The following GRIA3 variants were observed in gnomAD, a reference collection of about 807,000 sequenced individuals.
GRIA3 encodes the protein glutamate receptor 3.
GRIA3 carries 3 observed loss-of-function variants against 63.0 expected under a neutral mutation model. The ratio of observed to expected loss-of-function variants is 0.05; its 90% CI spans 0.02 to 0.12. GRIA3 has a LOEUF of 0.12. GRIA3 is among the 10% of genes least tolerant of loss of function. The probability of loss-of-function intolerance (pLI) is 1.00; values close to 1 mark genes in which losing one functional copy is unlikely to be tolerated. For missense variants in GRIA3, 347 were observed against 700.9 expected (o/e 0.50, Z 5.70); for synonymous variants, 274 against 257.9 (o/e 1.06, Z -0.60).
At chrX:123,404,958 A>G in intron 10 of GRIA3, 44 bp downstream of exon 10, 1 of 911,713 alleles carries the variant, frequency 1.1e-6, no homozygotes, top group Non-Finnish European at 1.6e-6. Context: ...TGTGCTTTCC[A>G]ATTAACAAAG....
chrX:123,374,867 T>C (rs2045273992), intron 5 of GRIA3, among the ~76,000 whole-genome samples: 1 of 112,062 alleles, frequency 8.9e-6, no homozygotes, highest in African/African-American at 3.2e-5. Flanking sequence ...CTGATTGCCC[T>C]GGTCAGAACT....
intron 4 of GRIA3, among the ~76,000 whole-genome samples, chrX:123,353,414 T>C (rs916519332): frequency 2.7e-5 from 3 of 112,159 alleles, no homozygotes; most frequent in Non-Finnish European, 3.8e-5. Flanking sequence ...ATTCCTCATC[T>C]GTAAAATGAG....
chrX:123,458,537 T>A (rs1199705867), intron 12 of GRIA3, among the ~76,000 whole-genome samples: 5 of 111,483 alleles, frequency 4.5e-5, no homozygotes, highest in African/African-American at 1.6e-4. Flanking sequence ...CAAGAAGCTA[T>A]CACTTCACCG....
chrX:123,411,133 T>A (rs776705507), intron 10 of GRIA3, among the ~76,000 whole-genome samples: 7 of 111,909 alleles, frequency 6.3e-5, no homozygotes, highest in Non-Finnish European at 1.3e-4. Flanking sequence ...TTGTCTAGCT[T>A]GATTCTGCCC....
chrX:123,360,877 AC>A (rs1569424953), intron 5 of GRIA3, among the ~76,000 whole-genome samples: 3 of 102,438 alleles, frequency 2.9e-5, no homozygotes, highest in African/African-American at 1.1e-4. Context: ...ACACACACAC[AC>A]ACACACACAC....
intron 3 of GRIA3, among the ~76,000 whole-genome samples, chrX:123,260,523 AGAAAG>A (rs1483417353): frequency 4.4e-4 from 32 of 72,636 alleles, no homozygotes; most frequent in East Asian, 1.9e-3. Flanking sequence ...AAAGAAAGAA[AGAAAG>A]GAAAGAAAGA....
rs1224062376 is a variant in GRIA3 at position 123,482,945 on chromosome X, C to T, written c.2586C>T (p.Asn862=). ...AESKRMKLTK[N]TQNFKPAPAT... is the part of the protein sequence containing the mutation. ...CCAAACGCATGAAACTCACAAAGAA[C>T]ACCCAAAACTTTAAGCCTGCTCCTG... Residue 862 remains asparagine, a synonymous_variant, in exon 15 of 16, where the codon AAC becomes AAT. Coordinates refer to ENST00000620443, the MANE Select transcript of GRIA3 (RefSeq NM_007325.5). The T allele has an allele frequency of 8.3e-7, 1 of 1,207,477 alleles. No homozygotes were observed. The highest frequency in any genetic ancestry group is 1.1e-6 in the Non-Finnish European group (1 of 893,599).
chrX:123,433,274 G>A (rs2045628609), intron 12 of GRIA3, among the ~76,000 whole-genome samples: 1 of 111,708 alleles, frequency 9.0e-6, no homozygotes, highest in Admixed American at 9.5e-5. Context: ...GACCAGATCA[G>A]AATGAAGCAC....
At chrX:123,391,750 C>T (rs1309329559) in intron 5 of GRIA3, among the ~76,000 whole-genome samples, 1 of 112,072 alleles carries the variant, frequency 8.9e-6, no homozygotes, top group Non-Finnish European at 1.9e-5. Flanking sequence ...CAACACAATC[C>T]TCTGACTCCC....
At chrX:123,380,515 G>A (rs1478528063) in intron 5 of GRIA3, among the ~76,000 whole-genome samples, 2 of 111,514 alleles carry the variant, frequency 1.8e-5, no homozygotes, top group African/African-American at 6.5e-5. Flanking sequence ...TTGTAAATTT[G>A]TTTAAGTTCT....
intron 11 of GRIA3, among the ~76,000 whole-genome samples, chrX:123,423,941 C>T (rs780030934): frequency 2.2e-4 from 25 of 111,743 alleles, no homozygotes; most frequent in African/African-American, 8.1e-4. Flanking sequence ...ACGTATTTTG[C>T]AGTGCTTTTT....
chrX:123,289,447 G>T (rs1015936927), intron 3 of GRIA3, among the ~76,000 whole-genome samples: 1 of 106,939 alleles, frequency 9.4e-6, no homozygotes, highest in African/African-American at 3.4e-5. Flanking sequence ...TATATATAAA[G>T]ATAAAGATAA....
chrX:123,451,111 A>G (rs1240928579), intron 12 of GRIA3, among the ~76,000 whole-genome samples: 1 of 111,587 alleles, frequency 9.0e-6, no homozygotes, highest in Non-Finnish European at 1.9e-5. Context: ...GCCGACTTTG[A>G]GCAGAGGAAT....
At chrX:123,327,776 T>C (rs1257424297) in intron 4 of GRIA3, among the ~76,000 whole-genome samples, 1 of 110,112 alleles carries the variant, frequency 9.1e-6, no homozygotes, top group Admixed American at 9.7e-5. Context: ...TTAAATCAAG[T>C]TTCTCAACTA....
intron 3 of GRIA3, among the ~76,000 whole-genome samples, chrX:123,313,274 C>G (rs891143246): frequency 4.5e-5 from 5 of 111,243 alleles, no homozygotes; most frequent in Admixed American, 2.9e-4. Flanking sequence ...TTGGGTGTTT[C>G]CCAAGCAGAT....
chrX:123,296,345 C>CA (rs755371557), intron 3 of GRIA3, among the ~76,000 whole-genome samples: 7 of 110,169 alleles, frequency 6.4e-5, no homozygotes, highest in East Asian at 2.9e-4. Flanking sequence ...GAAACATATG[C>CA]AAAAAAAAGT....
intron 2 of GRIA3, among the ~76,000 whole-genome samples, chrX:123,194,090 G>A (rs986973746): frequency 1.8e-5 from 2 of 110,878 alleles, no homozygotes; most frequent in Non-Finnish European, 3.8e-5. Flanking sequence ...GCCTTTGACC[G>A]AAGTCATACC....
At chrX:123,401,567 G>A (rs2045443600) in intron 7 of GRIA3, among the ~76,000 whole-genome samples, 1 of 111,984 alleles carries the variant, frequency 8.9e-6, no homozygotes, top group Non-Finnish European at 1.9e-5. Flanking sequence ...GCAAGCCTAA[G>A]CTAACAATAG....
At chrX:123,381,393 G>T (rs751294295) in intron 5 of GRIA3, among the ~76,000 whole-genome samples, 1 of 111,632 alleles carries the variant, frequency 9.0e-6, no homozygotes, top group East Asian at 2.8e-4. Flanking sequence ...TTTATTTCTG[G>T]ATATTATATC....
Sources: gnomAD v4.1 joint callset for allele counts (sites outside exome capture counted in the v4.1 genomes callset) on GRCh38, gnomAD v4.1.1 for gene constraint, MANE v1.5 for transcripts, NCBI Gene and HGNC (gene_info 2026-07-23, HGNC 2026-07-21) for gene names.